GSN: variants seen among roughly 807,000 people sequenced by gnomAD.
GSN encodes the protein actin-depolymerizing factor.
Under a neutral mutation model 85.7 loss-of-function variants are expected in GSN, and 56 were observed. The ratio of observed to expected loss-of-function variants is 0.65; its 90% CI spans 0.53 to 0.82. GSN has a LOEUF of 0.82. Ranked by LOEUF, GSN falls within the 40% of genes least tolerant of loss-of-function variation. The pLI, the probability that GSN is intolerant of heterozygous loss-of-function variation, is 0.00. For missense variants in GSN, 857 were observed against 979.8 expected (o/e 0.87, Z 1.67); for synonymous variants, 373 against 399.1 (o/e 0.93, Z 0.78).
At chr9:121,257,342 C>A (rs902000075) in intron 6 of GSN, among the ~76,000 whole-genome samples, 7 of 152,206 alleles carry the variant, frequency 4.6e-5, no homozygotes, top group Non-Finnish European at 8.8e-5. Flanking sequence ...CATACCAATT[C>A]TCTGCATAAG....
upstream of GSN, among the ~76,000 whole-genome samples, chr9:121,263,959 C>T (rs937526645): frequency 4.6e-5 from 7 of 151,540 alleles, no homozygotes; most frequent in African/African-American, 1.7e-4. Context: ...GGGGAAACTG[C>T]CCCCATGATC....
rs77649223 is a variant in GSN at position 121,262,164 on chromosome 9, G to A, written c.-340-2990G>A. 3.5e-4 allele frequency among the ~76,000 whole-genome samples: 53 copies of A among 152,234 alleles called. No homozygotes were observed. The East Asian group carries it at 9.6e-3, about 28-fold the overall frequency. On this transcript the variant is annotated intron_variant, in intron 6 of 24. Transcript: ENST00000373823. ...CCTAACATCAGATCCTAACGTTGTC[G>A]AGATGAAATTAAATAATTCTTGATC...
intron 5 of GSN, among the ~76,000 whole-genome samples, chr9:121,240,440 G>A (rs1460256886): frequency 2.0e-5 from 3 of 152,336 alleles, no homozygotes; most frequent in South Asian, 2.1e-4. Context: ...TGTACTGGAA[G>A]TATATTGGGT....
intron 2 of GSN, among the ~76,000 whole-genome samples, chr9:121,209,795 A>G (rs1034485932): frequency 6.6e-6 from 1 of 152,256 alleles, no homozygotes; most frequent in Non-Finnish European, 1.5e-5. Context: ...AGTTTCCCCA[A>G]GTAAGTTAGG....
intron 2 of GSN, among the ~76,000 whole-genome samples, chr9:121,294,816 T>G (rs755562001): frequency 1.3e-5 from 2 of 152,208 alleles, no homozygotes; most frequent in Non-Finnish European, 2.9e-5. Context: ...GTCACCCTCT[T>G]GTTCTTGGTG....
chr9:121,252,124 G>A (rs1239629193), intron 6 of GSN, among the ~76,000 whole-genome samples: 1 of 152,100 alleles, frequency 6.6e-6, no homozygotes, highest in African/African-American at 2.4e-5. Context: ...TGTTGATGGG[G>A]GTATATAAAA....
chr9:121,323,421 G>A (rs1309650586), intron 11 of GSN, among the ~76,000 whole-genome samples: 1 of 142,038 alleles, frequency 7.0e-6, no homozygotes, highest in Non-Finnish European at 1.5e-5. Flanking sequence ...CCAGGCTGGA[G>A]TGCAGTGGCA....
At chr9:121,254,292 A>G (rs1459662967) in intron 6 of GSN, among the ~76,000 whole-genome samples, 1 of 152,220 alleles carries the variant, frequency 6.6e-6, no homozygotes, top group African/African-American at 2.4e-5. Context: ...AGCCTGCTAC[A>G]TGCGTAATAG....
At chr9:121,219,979 T>A (rs1168627011) in intron 4 of GSN, among the ~76,000 whole-genome samples, 1 of 152,210 alleles carries the variant, frequency 6.6e-6, no homozygotes, top group Admixed American at 6.5e-5. Context: ...CCTCCCAGGT[T>A]CAAGTGATTC....
chr9:121,297,199 T>C (rs2059298471), intron 2 of GSN, among the ~76,000 whole-genome samples: 1 of 152,220 alleles, frequency 6.6e-6, no homozygotes, highest in Non-Finnish European at 1.5e-5. Context: ...TTGTGTTTTA[T>C]AAAAGAACAA....
chr9:121,229,420 A>G (rs1783369549), intron 4 of GSN, among the ~76,000 whole-genome samples: 1 of 152,070 alleles, frequency 6.6e-6, no homozygotes, highest in Admixed American at 6.5e-5. Context: ...GGGTTTCGCC[A>G]TGTTGGCCAG....
At chr9:121,259,578 T>A (rs1485194799) in intron 6 of GSN, among the ~76,000 whole-genome samples, 1 of 152,090 alleles carries the variant, frequency 6.6e-6, no homozygotes, top group Non-Finnish European at 1.5e-5. Flanking sequence ...TTCTGTGGCA[T>A]AGGGGCATGG....
At chr9:121,260,640 A>G (rs1279837691) in intron 6 of GSN, among the ~76,000 whole-genome samples, 1 of 152,134 alleles carries the variant, frequency 6.6e-6, no homozygotes, top group South Asian at 2.1e-4. Flanking sequence ...ACTTTGTTCT[A>G]TTGTCCCAGT....
chr9:121,283,644 C>T (rs115105307), intron 2 of GSN: 1 of 166,808 alleles, frequency 6.0e-6, no homozygotes, highest in Non-Finnish European at 1.5e-5. Flanking sequence ...ATTCTGCCCA[C>T]CTTCTTGTCT....
chr9:121,248,016 G>T (rs1388047379), intron 5 of GSN, among the ~76,000 whole-genome samples: 1 of 152,152 alleles, frequency 6.6e-6, no homozygotes, highest in East Asian at 1.9e-4. Context: ...TGAATAAGGT[G>T]CTTCCACATT....
chr9:121,313,730 G>A (rs1255585694), intron 6 of GSN: 1 of 618,010 alleles, frequency 1.6e-6, no homozygotes, highest in Non-Finnish European at 2.9e-6. Context: ...TGGAGTTTCT[G>A]AGTCAGGGAG....
chr9:121,292,256 G>A (rs540149801), intron 2 of GSN, among the ~76,000 whole-genome samples: 2 of 152,184 alleles, frequency 1.3e-5, no homozygotes, highest in Admixed American at 6.5e-5. Context: ...AGGGGAGGGG[G>A]TGTCATTAGG....
chr9:121,268,338 G>A (rs1588530943), intron 1 of GSN, 119 bp downstream of exon 1: 1 of 152,366 alleles, frequency 6.6e-6, no homozygotes, highest in South Asian at 2.1e-4. Flanking sequence ...GCCCGGCCGC[G>A]GGGGCATCGC....
chr9:121,328,795 TTGG>T (rs2063543323), intron 14 of GSN, 93 bp from the exon 15 acceptor site: 1 of 1,277,742 alleles, frequency 7.8e-7, no homozygotes. Flanking sequence ...GGGAGAGCAG[TTGG>T]TTGCGCTTGG....
Sources: allele counts gnomAD v4.1 joint callset (sites outside exome capture counted in the v4.1 genomes callset), GRCh38; gene constraint gnomAD v4.1.1; transcripts MANE v1.5; gene names NCBI Gene and HGNC (gene_info 2026-07-23, HGNC 2026-07-21).